Variants in CCDC60 observed in about 807,000 individuals in gnomAD.
CCDC60 encodes coiled-coil domain-containing protein 60.
A neutral mutation model predicts 63.5 loss-of-function variants in CCDC60; 54 were observed. That is an observed-to-expected ratio of 0.85 (90% CI 0.68 to 1.07). The LOEUF is 1.07. CCDC60 is among the 50% of genes least tolerant of loss of function. The pLI is 0.00. For missense variants in CCDC60, 651 were observed against 684.3 expected (o/e 0.95, Z 0.54); for synonymous variants, 206 against 238.8 (o/e 0.86, Z 1.27).
At chr12:119,436,669 G>A (rs1452881492) in intron 2 of CCDC60, among the ~76,000 whole-genome samples, 2 of 151,948 alleles carry the variant, frequency 1.3e-5, no homozygotes, top group African/African-American at 4.8e-5. Context: ...CTCCCGAGTA[G>A]CTGGGATTAC....
intron 7 of CCDC60, among the ~76,000 whole-genome samples, chr12:119,507,433 TATATATACACATATATATAC>T (rs1282355061): frequency 8.8e-5 from 13 of 147,956 alleles, no homozygotes; most frequent in Admixed American, 1.4e-4. Context: ...TATACGTGTA[TATATATACACATATATATAC>T]ATATATACAC....
At chr12:119,521,858 G>C (rs1418793143) in intron 9 of CCDC60, among the ~76,000 whole-genome samples, 1 of 152,180 alleles carries the variant, frequency 6.6e-6, no homozygotes, top group Non-Finnish European at 1.5e-5. Context: ...AGGGCAGCTG[G>C]TTGGAATCCA....
chr12:119,415,304 A>G (rs2136205776), intron 1 of CCDC60, among the ~76,000 whole-genome samples: 1 of 152,312 alleles, frequency 6.6e-6, no homozygotes, highest in South Asian at 2.1e-4. Flanking sequence ...GATAGCACAA[A>G]AGCATCCTAG....
intron 2 of CCDC60, among the ~76,000 whole-genome samples, chr12:119,430,749 G>A (rs1414964631): frequency 2.0e-5 from 3 of 151,754 alleles, no homozygotes; most frequent in Non-Finnish European, 4.4e-5. Flanking sequence ...GAGACCTCAG[G>A]AGAAACCGAC....
intron 6 of CCDC60, among the ~76,000 whole-genome samples, chr12:119,502,662 T>C: frequency 6.6e-6 from 1 of 152,122 alleles, no homozygotes. Context: ...TTTGGGAGCA[T>C]AAGATGAAAT....
At chr12:119,464,658 C>A (rs576406936) in intron 2 of CCDC60, among the ~76,000 whole-genome samples, 2 of 152,124 alleles carry the variant, frequency 1.3e-5, no homozygotes, top group Non-Finnish European at 2.9e-5. Flanking sequence ...GCCACAAGAG[C>A]TGCCCACCAT....
At chr12:119,445,162 G>A (rs1028459834) in intron 2 of CCDC60, among the ~76,000 whole-genome samples, 2 of 151,952 alleles carry the variant, frequency 1.3e-5, no homozygotes, top group South Asian at 2.1e-4. Context: ...GGCCAGGCGC[G>A]GTGGCTCACG....
At chr12:119,373,517 G>A (rs897071303) in intron 1 of CCDC60, among the ~76,000 whole-genome samples, 34 of 152,296 alleles carry the variant, frequency 2.2e-4, no homozygotes, top group African/African-American at 7.7e-4. Flanking sequence ...GCCTCTGAGT[G>A]TAGGACCATG....
chr12:119,488,705 G>C (rs1349273254), intron 4 of CCDC60, 54 bp from the exon 5 acceptor site: 1 of 1,502,114 alleles, frequency 6.7e-7, no homozygotes, highest in South Asian at 1.1e-5. Context: ...CTATTTTTGC[G>C]AAGAAAGTTG....
intron 1 of CCDC60, among the ~76,000 whole-genome samples, chr12:119,362,653 A>C (rs1306117327): frequency 6.6e-6 from 1 of 152,148 alleles, no homozygotes; most frequent in Non-Finnish European, 1.5e-5. Flanking sequence ...ACCATAATTT[A>C]TTTCTTTACC....
At position 119,479,103 on chromosome 12, in the gene CCDC60, T is replaced by G. The variant is rs1477093593; in HGVS notation, c.351T>G (p.Asp117Glu). 8 of 1,611,812 alleles carry G rather than the reference T, an allele frequency of 5.0e-6. No homozygotes were observed. Among genetic ancestry groups the G allele is most frequent in the Non-Finnish European group, 5.9e-6 (7 of 1,178,300 alleles). The change falls in exon 4 of 14, where the codon GAT (aspartate) becomes GAG (glutamate). Residue 117 changes from aspartate to glutamate, a missense_variant. Transcript: ENST00000327554. The part of the protein sequence containing the change: ...HYGDTLLSTY[D>E]DEKLKTLGAR... ...TCTGCTTGTCCTTCAGCACATATGA[T>G]GATGAGAAGTTGAAGACACTGGGAG...
intron 13 of CCDC60, among the ~76,000 whole-genome samples, chr12:119,533,811 G>T (rs1952927030): frequency 6.6e-6 from 1 of 152,128 alleles, no homozygotes; most frequent in Non-Finnish European, 1.5e-5. Flanking sequence ...ATGCAGTTTT[G>T]GTTACTGTAG....
In CCDC60 at chr12:119,531,071, C is replaced by G. The variant is rs557456692; in HGVS notation, c.1551+8C>G. ...ATCGCTGTGGCTATTGAGGTAAACA[C>G]CACCTCCTTCCCCTCCACAGTGTTT... On this transcript the variant is annotated splice_region_variant and intron_variant, in intron 13 of 13. Coordinates refer to ENST00000327554, the MANE Select transcript of CCDC60 (RefSeq NM_178499.5). 6.2e-7 allele frequency: 1 copy of G among 1,610,434 alleles called. No individual in the cohort carries two copies. The highest frequency in any genetic ancestry group is 8.5e-7 in the Non-Finnish European group (1 of 1,177,338).
At chr12:119,362,588 C>T (rs945571198) in intron 1 of CCDC60, among the ~76,000 whole-genome samples, 2 of 152,130 alleles carry the variant, frequency 1.3e-5, no homozygotes, top group African/African-American at 4.8e-5. Flanking sequence ...CAGTGTTGCA[C>T]GTATCAGTAG....
intron 11 of CCDC60, chr12:119,524,557 C>T (rs1020954825): frequency 3.8e-6 from 2 of 524,544 alleles, no homozygotes; most frequent in Middle Eastern, 9.3e-4. Flanking sequence ...TGGGAGCTAA[C>T]AGTCCAGTAG....
intron 1 of CCDC60, among the ~76,000 whole-genome samples, chr12:119,338,384 CA>C (rs913582761): frequency 6.6e-6 from 1 of 152,026 alleles, no homozygotes; most frequent in Admixed American, 6.6e-5. Context: ...GTATTGAACT[CA>C]AAAAACTCTT....
At chr12:119,335,832 T>C (rs1233173120) in intron 1 of CCDC60, among the ~76,000 whole-genome samples, 1 of 151,346 alleles carries the variant, frequency 6.6e-6, no homozygotes, top group African/African-American at 2.4e-5. Flanking sequence ...TTTTGTCTTT[T>C]GTTGCCATTG....
chr12:119,362,000 G>T (rs1304645668), intron 1 of CCDC60, among the ~76,000 whole-genome samples: 1 of 152,062 alleles, frequency 6.6e-6, no homozygotes, highest in African/African-American at 2.4e-5. Context: ...AGTAAAATGA[G>T]GTGCATCATC....
intron 1 of CCDC60, among the ~76,000 whole-genome samples, chr12:119,404,989 GAAA>G (rs1956460666): frequency 3.9e-5 from 6 of 152,126 alleles, no homozygotes; most frequent in African/African-American, 1.2e-4. Context: ...TTAACCCCAG[GAAA>G]GCATGAAAAT....
Sources: allele counts gnomAD v4.1 joint callset (sites outside exome capture counted in the v4.1 genomes callset), GRCh38; gene constraint gnomAD v4.1.1; transcripts MANE v1.5; gene names NCBI Gene and HGNC (gene_info 2026-07-23, HGNC 2026-07-21).